The following SLC31A1 variants were observed in gnomAD, a reference collection of about 807,000 sequenced individuals.
The protein encoded by SLC31A1 is high affinity copper uptake protein 1.
Under a neutral mutation model 17.2 loss-of-function variants are expected in SLC31A1, and 5 were observed. The observed-to-expected ratio is 0.29, with a 90% CI of 0.15 to 0.61. SLC31A1 has a LOEUF of 0.61. Ranked by LOEUF, SLC31A1 falls within the 20% of genes least tolerant of loss-of-function variation. The probability of loss-of-function intolerance (pLI) is 0.86; values close to 1 mark genes in which losing one functional copy is unlikely to be tolerated. For missense variants in SLC31A1, 161 were observed against 241.4 expected, an observed-to-expected ratio of 0.67 and a Z score of 2.21; for synonymous variants, 76 against 78.8, an observed-to-expected ratio of 0.96 and a Z score of 0.19.
intron 1 of SLC31A1, among the ~76,000 whole-genome samples, chr9:113,222,086 C>G (rs1389934127): frequency 6.6e-6 from 1 of 152,204 alleles, no homozygotes. Flanking sequence ...AGACTGGATT[C>G]CTCGTCCTTT....
At chr9:113,246,540 A>T (rs568203052) in intron 1 of SLC31A1, among the ~76,000 whole-genome samples, 3 of 151,580 alleles carry the variant, frequency 2.0e-5, no homozygotes, top group East Asian at 2.0e-4. Context: ...TTTAGTAGAG[A>T]CAAGGTTTCA....
intron 1 of SLC31A1, among the ~76,000 whole-genome samples, chr9:113,255,380 T>C (rs993977345): frequency 2.6e-5 from 4 of 152,216 alleles, no homozygotes; most frequent in African/African-American, 9.6e-5. Context: ...CTTCTCCTTA[T>C]CTAATATTTA....
chr9:113,259,836 TC>T (rs1177882970), intron 4 of SLC31A1, among the ~76,000 whole-genome samples: 1 of 152,136 alleles, frequency 6.6e-6, no homozygotes, highest in African/African-American at 2.4e-5. Flanking sequence ...TCAGCCCACC[TC>T]GGCCTCCCAA....
intron 1 of SLC31A1, among the ~76,000 whole-genome samples, chr9:113,230,435 T>A (rs1465090560): frequency 6.6e-6 from 1 of 152,148 alleles, no homozygotes; most frequent in African/African-American, 2.4e-5. Flanking sequence ...TTTTCTTGAT[T>A]TTTTGAGGAG....
chr9:113,228,465 T>C (rs182823899), intron 1 of SLC31A1, among the ~76,000 whole-genome samples: 1 of 152,226 alleles, frequency 6.6e-6, no homozygotes, highest in Non-Finnish European at 1.5e-5. Context: ...CTTTTCAGTT[T>C]GTTTGTTTGA....
intron 3 of SLC31A1, 96 bp downstream of exon 3, chr9:113,257,281 C>T: frequency 9.8e-7 from 1 of 1,024,158 alleles, no homozygotes; most frequent in Non-Finnish European, 1.5e-6. Flanking sequence ...GTCCTAATTA[C>T]TAAGTCAACA....
intron 2 of SLC31A1, 182 bp downstream of exon 2, chr9:113,256,459 T>A: frequency 1.7e-6 from 1 of 600,762 alleles, no homozygotes; most frequent in Non-Finnish European, 2.8e-6. Flanking sequence ...ACTTACAGAG[T>A]CACACCAGAA....
intron 1 of SLC31A1, among the ~76,000 whole-genome samples, chr9:113,253,581 G>A (rs1309248117): frequency 2.2e-5 from 3 of 136,474 alleles, no homozygotes; most frequent in Admixed American, 7.7e-5. Flanking sequence ...TTGAAATGGA[G>A]TCTTGCTCTG....
At chr9:113,221,806 G>A (rs762060212) in intron 1 of SLC31A1, 128 bp downstream of exon 1, 16 of 171,908 alleles carry the variant, frequency 9.3e-5, no homozygotes, top group Non-Finnish European at 2.1e-4. Flanking sequence ...GGACTGGAGG[G>A]TTAAAGACTG....
chr9:113,254,405 T>C (rs895205827), intron 1 of SLC31A1, among the ~76,000 whole-genome samples: 2 of 152,200 alleles, frequency 1.3e-5, no homozygotes, highest in Non-Finnish European at 2.9e-5. Context: ...TGGTATATAA[T>C]AGGAGCTTGA....
At chr9:113,223,882 TA>T (rs1831313758) in intron 1 of SLC31A1, among the ~76,000 whole-genome samples, 1 of 152,248 alleles carries the variant, frequency 6.6e-6, no homozygotes, top group Non-Finnish European at 1.5e-5. Context: ...ATGCAGGTTC[TA>T]GGGGATCTAT....
intron 1 of SLC31A1, among the ~76,000 whole-genome samples, chr9:113,245,666 C>G (rs1165650683): frequency 1.3e-5 from 2 of 151,762 alleles, no homozygotes; most frequent in South Asian, 2.1e-4. Context: ...CAAGACATTC[C>G]TGTTGCCCAG....
At chr9:113,256,971 A>T in intron 2 of SLC31A1, 142 bp from the exon 3 acceptor site, 1 of 736,926 alleles carries the variant, frequency 1.4e-6, no homozygotes, top group African/African-American at 1.7e-5. Context: ...TAACGCTAAC[A>T]TGAGGGCAAA....
rs150952508 is a variant in SLC31A1 at position 113,234,445 on chromosome 9, G to A, written c.-36+12767G>A. Among the ~76,000 whole-genome samples the A allele has an allele frequency of 7.9e-4, 115 of 146,380 alleles. 1 individual carries two copies. In the East Asian group the frequency reaches 0.022, roughly 28 times the overall value. ...ACCCACCTCAGCCTCCCAAAGTGCTGGGATTACAGGCATGAACCACCGCTC... is the reference window on the plus strand; with the variant it reads ...ACCCACCTCAGCCTCCCAAAGTGCTAGGATTACAGGCATGAACCACCGCTC... On this transcript the variant is annotated intron_variant, in intron 1 of 4. Coordinates refer to ENST00000374212, the MANE Select transcript of SLC31A1 (RefSeq NM_001859.4).
rs550158471 is a variant in SLC31A1, at chr9:113,222,859, C to CT, written c.-36+1184dup. Among the ~76,000 whole-genome samples, 51 of 152,312 alleles carry CT rather than the reference C, an allele frequency of 3.3e-4. No homozygotes were observed. In the East Asian group the frequency reaches 7.1e-3, roughly 21 times the overall value. On this transcript the variant is annotated intron_variant, in intron 1 of 4. Coordinates refer to ENST00000374212, the MANE Select transcript of SLC31A1 (RefSeq NM_001859.4). ...AGTAACTGGATTAAGTACCATGGCA[C>CT]TTTCTAATCCCTCTCCCCAACACCG...
intron 1 of SLC31A1, among the ~76,000 whole-genome samples, chr9:113,223,029 G>C (rs1483503485): frequency 1.3e-5 from 2 of 151,880 alleles, no homozygotes; most frequent in African/African-American, 2.4e-5. Flanking sequence ...AATCTTTCTA[G>C]GTGTTTATGA....
chr9:113,247,259 C>T (rs972162725), intron 1 of SLC31A1, among the ~76,000 whole-genome samples: 7 of 152,084 alleles, frequency 4.6e-5, no homozygotes, highest in African/African-American at 1.7e-4. Context: ...GAATATGACC[C>T]TAATCGTTTT....
chr9:113,252,945 TC>T (rs375284177), intron 1 of SLC31A1, among the ~76,000 whole-genome samples: 4 of 133,574 alleles, frequency 3.0e-5, no homozygotes, highest in African/African-American at 8.8e-5. Flanking sequence ...TCTTTTCTTT[TC>T]TTTTTTTCTT....
intron 1 of SLC31A1, among the ~76,000 whole-genome samples, chr9:113,232,403 A>G (rs1247241791): frequency 6.6e-6 from 1 of 152,196 alleles, no homozygotes; most frequent in Non-Finnish European, 1.5e-5. Flanking sequence ...CATTTCAAAG[A>G]AAATGTGATA....
Sources: gnomAD v4.1 joint callset for allele counts (sites outside exome capture counted in the v4.1 genomes callset) on GRCh38, gnomAD v4.1.1 for gene constraint, MANE v1.5 for transcripts, NCBI Gene and HGNC (gene_info 2026-07-23, HGNC 2026-07-21) for gene names.